TRPM3: variants seen among roughly 807,000 people sequenced by gnomAD.
TRPM3 encodes transient receptor potential cation channel subfamily M member 3.
In TRPM3, 77 loss-of-function variants were observed where a neutral mutation model predicts 181.2. The ratio of observed to expected loss-of-function variants is 0.42; its 90% CI spans 0.35 to 0.51. TRPM3 has a LOEUF of 0.51. TRPM3 is among the 20% of genes least tolerant of loss of function. TRPM3 has a pLI of 0.01. For missense variants in TRPM3, 1,759 were observed against 2,196.7 expected, an observed-to-expected ratio of 0.80 and a Z score of 3.98; for synonymous variants, 745 against 796.4, an observed-to-expected ratio of 0.94 and a Z score of 1.09.
chr9:70,832,612 A>C (rs1373445728), intron 5 of TRPM3, among the ~76,000 whole-genome samples: 1 of 152,226 alleles, frequency 6.6e-6, no homozygotes, highest in African/African-American at 2.4e-5. Context: ...TAGTATGGAC[A>C]TCATCATTCC....
At chr9:71,141,454 A>G (rs1161482366) in intron 1 of TRPM3, among the ~76,000 whole-genome samples, 1 of 152,214 alleles carries the variant, frequency 6.6e-6, no homozygotes, top group South Asian at 2.1e-4. Context: ...CCTATAATCT[A>G]TTAGCTTTGA....
At chr9:71,377,037 T>A (rs904172309) in intron 1 of TRPM3, among the ~76,000 whole-genome samples, 5 of 152,146 alleles carry the variant, frequency 3.3e-5, no homozygotes, top group Non-Finnish European at 7.4e-5. Context: ...AGTGTTATTA[T>A]ACTAGTTTGC....
intron 1 of TRPM3, among the ~76,000 whole-genome samples, chr9:71,069,863 C>T (rs1203552769): frequency 6.6e-6 from 1 of 152,074 alleles, no homozygotes; most frequent in Non-Finnish European, 1.5e-5. Context: ...CCGCCTCGGC[C>T]TCCCAAAGTG....
chr9:71,027,776 GA>G (rs2056763274), intron 1 of TRPM3, among the ~76,000 whole-genome samples: 1 of 152,060 alleles, frequency 6.6e-6, no homozygotes, highest in East Asian at 1.9e-4. Context: ...AAGAAAGAAT[GA>G]AAAGAAATAA....
At chr9:71,329,609 C>T (rs976850469) in intron 1 of TRPM3, among the ~76,000 whole-genome samples, 2 of 152,208 alleles carry the variant, frequency 1.3e-5, no homozygotes, top group Non-Finnish European at 2.9e-5. Context: ...AAACCACTGT[C>T]ATGAGTACTC....
rs10536771 is a variant in TRPM3 at position 71,216,937 on chromosome 9, CTTTTTTTTTTTTT to C, written c.183+229703_183+229715del. Among the ~76,000 whole-genome samples the C allele has an allele frequency of 1.3e-3, 93 of 72,994 alleles. 2 individuals carry two copies. The highest frequency in any genetic ancestry group is 8.2e-3 in the South Asian group (13 of 1,578). 47.9% of individuals were successfully genotyped at this position (72,994 alleles called of 152,430 possible). On this transcript the variant is annotated intron_variant, in intron 1 of 24. Transcript: ENST00000357533. The stretch of plus-strand genomic sequence containing the variant: ...GCACAAGCATAGTCAGTGGCCCTTT[CTTTTTTTTTTTTT>C]TTTTTTTTTTTTTTTTTTGAGACGG...
At chr9:71,372,287 A>G (rs573427232) in intron 1 of TRPM3, among the ~76,000 whole-genome samples, 49 of 152,310 alleles carry the variant, frequency 3.2e-4, no homozygotes, top group South Asian at 3.1e-3. Context: ...TAGTGCTTCA[A>G]TGAACATACG....
intron 1 of TRPM3, among the ~76,000 whole-genome samples, chr9:71,077,873 A>T (rs1353403821): frequency 2.7e-5 from 4 of 150,564 alleles, no homozygotes; most frequent in African/African-American, 9.8e-5. Context: ...ATGTTATAAC[A>T]TATTAATTCA....
chr9:70,872,318 A>G (rs964339908), intron 1 of TRPM3, among the ~76,000 whole-genome samples: 2 of 151,934 alleles, frequency 1.3e-5, no homozygotes, highest in Non-Finnish European at 2.9e-5. Context: ...TGAGGTGTCA[A>G]GCAGGAAGGA....
chr9:70,582,756 C>G (rs1439666638), intron 22 of TRPM3, among the ~76,000 whole-genome samples: 1 of 152,198 alleles, frequency 6.6e-6, no homozygotes, highest in Non-Finnish European at 1.5e-5. Context: ...TCACCCATCA[C>G]AGTAGATTCT....
At chr9:70,577,004 C>T (rs986992724) in intron 22 of TRPM3, among the ~76,000 whole-genome samples, 3 of 152,172 alleles carry the variant, frequency 2.0e-5, no homozygotes, top group Non-Finnish European at 4.4e-5. Flanking sequence ...CAAGCCCTTT[C>T]GCTGACCATT....
chr9:70,975,439 A>G (rs1438024872), intron 1 of TRPM3, among the ~76,000 whole-genome samples: 1 of 152,212 alleles, frequency 6.6e-6, no homozygotes, highest in Non-Finnish European at 1.5e-5. Flanking sequence ...AATACTGCCT[A>G]GGGCTGGCTT....
At chr9:70,640,428 CTT>C in intron 10 of TRPM3, 130 bp downstream of exon 10, 1 of 637,764 alleles carries the variant, frequency 1.6e-6, no homozygotes, top group African/African-American at 1.8e-5. Context: ...AGGATACAGA[CTT>C]TGCTACCAAG....
intron 1 of TRPM3, among the ~76,000 whole-genome samples, chr9:71,147,809 C>A (rs2075507119): frequency 6.6e-6 from 1 of 152,152 alleles, no homozygotes; most frequent in Admixed American, 6.6e-5. Flanking sequence ...ACTCATATCT[C>A]AGACCTCCTG....
chr9:70,641,103 A>G (rs145363458), intron 9 of TRPM3, among the ~76,000 whole-genome samples: 56 of 152,208 alleles, frequency 3.7e-4, no homozygotes, highest in Middle Eastern at 3.4e-3. Flanking sequence ...GACATTGCCA[A>G]ATGCCCCCAT....
intron 1 of TRPM3, among the ~76,000 whole-genome samples, chr9:71,229,897 T>C (rs1318884592): frequency 6.6e-6 from 1 of 152,010 alleles, no homozygotes; most frequent in Non-Finnish European, 1.5e-5. Flanking sequence ...AAACTAAAAA[T>C]AGAACTACCA....
At chr9:70,787,793 T>C (rs2084199473) in intron 6 of TRPM3, among the ~76,000 whole-genome samples, 1 of 147,844 alleles carries the variant, frequency 6.8e-6, no homozygotes, top group Non-Finnish European at 1.5e-5. Context: ...TTTTGCTTTT[T>C]ATTTTTTTAT....
Position 71,105,505 on chromosome 9 carries a change from C to A in TRPM3, c.177+15673G>T, listed in dbSNP as rs140741298. Among the ~76,000 whole-genome samples the A allele has an allele frequency of 6.6e-5, 10 of 152,198 alleles. No homozygotes were observed. The East Asian group carries it at 1.7e-3, about 26-fold the overall frequency. Reference sequence around the variant, plus strand: ...GGAATGGCAAGGCAGGCAGGGTAATCATGTTAGGATTGGCTATTCTGAATA... The same window carrying A: ...GGAATGGCAAGGCAGGCAGGGTAATAATGTTAGGATTGGCTATTCTGAATA... On this transcript the variant is annotated intron_variant, in intron 1 of 25. Transcript: ENST00000677713.
chr9:71,077,906 CTTT>C (rs574083427), intron 1 of TRPM3, among the ~76,000 whole-genome samples: 1 of 130,834 alleles, frequency 7.6e-6, no homozygotes. Flanking sequence ...TTGTTTTTGT[CTTT>C]TTTTTTTTTT....
Sources: allele counts gnomAD v4.1 joint callset (sites outside exome capture counted in the v4.1 genomes callset), GRCh38; gene constraint gnomAD v4.1.1; transcripts MANE v1.5; gene names NCBI Gene and HGNC (gene_info 2026-07-23, HGNC 2026-07-21).